The following RORA variants were observed in gnomAD, a reference collection of about 807,000 sequenced individuals.
RORA encodes the protein RAR related orphan receptor A.
A neutral mutation model predicts 69.5 loss-of-function variants in RORA; 7 were observed. The observed-to-expected ratio is 0.10, with a 90% CI of 0.06 to 0.19. The LOEUF (loss-of-function observed/expected upper bound fraction) is 0.19, where lower values mean the gene tolerates loss of function less well. Ranked by LOEUF, RORA falls within the 10% of genes least tolerant of loss-of-function variation. The probability of loss-of-function intolerance (pLI) is 1.00; values close to 1 mark genes in which losing one functional copy is unlikely to be tolerated. For missense variants in RORA, 457 were observed against 663.0 expected (o/e 0.69, Z 3.41); for synonymous variants, 261 against 240.8 (o/e 1.08, Z -0.78).
intron 2 of RORA, among the ~76,000 whole-genome samples, chr15:60,629,257 G>A (rs1441173762): frequency 3.5e-5 from 5 of 144,090 alleles, no homozygotes; most frequent in African/African-American, 1.3e-4. Flanking sequence ...TGTGATCTCG[G>A]CTCACTGCAA....
chr15:61,192,232 C>T (rs561729689), intron 1 of RORA, among the ~76,000 whole-genome samples: 78 of 152,366 alleles, frequency 5.1e-4, no homozygotes, highest in African/African-American at 1.8e-3. Flanking sequence ...AGACAGGCTG[C>T]TCTTCGCTAT....
chr15:61,219,449 C>G (rs144880935), intron 1 of RORA, among the ~76,000 whole-genome samples: 209 of 152,304 alleles, frequency 1.4e-3, no homozygotes, highest in Non-Finnish European at 2.6e-3. Flanking sequence ...GTGGCTGGCG[C>G]CTATTGTTCC....
intron 1 of RORA, among the ~76,000 whole-genome samples, chr15:61,058,896 G>A (rs185679092): frequency 5.1e-4 from 77 of 152,306 alleles, no homozygotes; most frequent in African/African-American, 1.8e-3. Context: ...CCTGTTGTAC[G>A]AGGCAGGTTT....
intron 1 of RORA, chr15:60,682,523 A>T (rs1037461789): frequency 1.3e-5 from 2 of 152,282 alleles, no homozygotes; most frequent in African/African-American, 4.8e-5. Flanking sequence ...GGGTACCCGT[A>T]ATCCCAGCTA....
intron 2 of RORA, among the ~76,000 whole-genome samples, chr15:60,562,433 G>A (rs550461405): frequency 1.4e-5 from 2 of 147,916 alleles, no homozygotes; most frequent in Non-Finnish European, 3.0e-5. Flanking sequence ...GGCGGGGTTG[G>A]GGGGGGGTTG....
At chr15:60,829,363 C>T (rs1007148035) in intron 1 of RORA, among the ~76,000 whole-genome samples, 1 of 152,174 alleles carries the variant, frequency 6.6e-6, no homozygotes, top group East Asian at 1.9e-4. Context: ...GAGCAGGGGG[C>T]AGTGAGGGTG....
intron 2 of RORA, among the ~76,000 whole-genome samples, chr15:60,595,704 A>G (rs1340880545): frequency 6.6e-6 from 1 of 151,336 alleles, no homozygotes; most frequent in Non-Finnish European, 1.5e-5. Context: ...AAAAAAGTAA[A>G]GTAATATTGC....
chr15:61,063,812 AT>A (rs1260631551), intron 1 of RORA, among the ~76,000 whole-genome samples: 1 of 152,218 alleles, frequency 6.6e-6, no homozygotes, highest in Non-Finnish European at 1.5e-5. Flanking sequence ...AAATTCCCAA[AT>A]CAGGTTTCCT....
At chr15:60,732,394 G>T (rs1320836817) in intron 1 of RORA, among the ~76,000 whole-genome samples, 2 of 152,130 alleles carry the variant, frequency 1.3e-5, no homozygotes, top group East Asian at 3.9e-4. Context: ...CAGAAGTCAG[G>T]CCAAAGCTTT....
chr15:61,185,495 C>T (rs1218230488), intron 1 of RORA, among the ~76,000 whole-genome samples: 1 of 152,140 alleles, frequency 6.6e-6, no homozygotes, highest in African/African-American at 2.4e-5. Flanking sequence ...CCTTGATTGC[C>T]CCGACATTGG....
intron 3 of RORA, among the ~76,000 whole-genome samples, chr15:60,525,956 A>G (rs139392055): frequency 1.3e-3 from 201 of 152,220 alleles, no homozygotes; most frequent in African/African-American, 4.6e-3. Context: ...ACTTCATTTT[A>G]TTGAGGGGTA....
chr15:60,720,591 G>T (rs1478215161), intron 1 of RORA, among the ~76,000 whole-genome samples: 1 of 152,104 alleles, frequency 6.6e-6, no homozygotes, highest in Non-Finnish European at 1.5e-5. Flanking sequence ...GGTGCTGATG[G>T]TTCCCCAGGA....
intron 2 of RORA, among the ~76,000 whole-genome samples, chr15:60,632,280 C>G (rs2069755033): frequency 1.3e-5 from 2 of 151,880 alleles, no homozygotes; most frequent in Admixed American, 1.3e-4. Flanking sequence ...TAATTTTTTT[C>G]TATTTTTAGT....
intron 1 of RORA, chr15:60,847,857 T>C (rs1201371612): frequency 2.0e-5 from 3 of 152,240 alleles, no homozygotes; most frequent in Admixed American, 1.3e-4. Context: ...TCTGATTACA[T>C]TGTATTTCTA....
At chr15:60,775,640 C>T (rs987716413) in intron 1 of RORA, among the ~76,000 whole-genome samples, 3 of 152,162 alleles carry the variant, frequency 2.0e-5, no homozygotes, top group Non-Finnish European at 2.9e-5. Flanking sequence ...AGCACACACA[C>T]GCACAATTCA....
intron 1 of RORA, among the ~76,000 whole-genome samples, chr15:60,883,218 T>G (rs1203738693): frequency 7.9e-5 from 12 of 150,968 alleles, no homozygotes; most frequent in African/African-American, 2.9e-4. Flanking sequence ...CAGTTGAATT[T>G]AGCTTGATTA....
At chr15:60,965,573 A>G (rs776118254) in intron 1 of RORA, among the ~76,000 whole-genome samples, 5 of 152,214 alleles carry the variant, frequency 3.3e-5, no homozygotes, top group Non-Finnish European at 7.3e-5. Context: ...GCCCAACACA[A>G]AGCCATTTTA....
chr15:60,774,644 A>G lies in RORA; in HGVS notation c.167-95958T>C, dbSNP rs867256639. 5.9e-5 allele frequency among the ~76,000 whole-genome samples: 9 copies of G among 152,320 alleles called. No homozygotes were observed. In the South Asian group the frequency reaches 1.9e-3, roughly 32 times the overall value. On this transcript the variant is annotated intron_variant, in intron 1 of 10. Transcript: ENST00000335670. Reference sequence around the variant, plus strand: ...GCACCCATATCTAGGTAACACAAATACCCACAGTCTTTATCTTCCTTTACA... The same window carrying G: ...GCACCCATATCTAGGTAACACAAATGCCCACAGTCTTTATCTTCCTTTACA...
At chr15:60,538,189 C>G (rs1044181523) in intron 2 of RORA, among the ~76,000 whole-genome samples, 5 of 152,138 alleles carry the variant, frequency 3.3e-5, no homozygotes, top group Non-Finnish European at 7.4e-5. Context: ...CATCACTGAT[C>G]TGGGGCTCTC....
Sources: allele counts gnomAD v4.1 joint callset (sites outside exome capture counted in the v4.1 genomes callset), GRCh38; gene constraint gnomAD v4.1.1; transcripts MANE v1.5; gene names NCBI Gene and HGNC (gene_info 2026-07-23, HGNC 2026-07-21).